Variants in CA12 observed in about 807,000 individuals in gnomAD.
CA12 encodes carbonate dehydratase XII.
In CA12, 36 loss-of-function variants were observed where a neutral mutation model predicts 46.8. The ratio of observed to expected loss-of-function variants is 0.77; its 90% CI spans 0.59 to 1.02. CA12 has a LOEUF of 1.02. CA12 is among the 50% of genes least tolerant of loss of function. The probability of loss-of-function intolerance (pLI) is 0.00; values close to 1 mark genes in which losing one functional copy is unlikely to be tolerated. For synonymous variants in CA12, 202 were observed against 187.0 expected (o/e 1.08, Z -0.65); for missense variants, 436 against 451.4 (o/e 0.97, Z 0.31).
rs2039411478 is a variant in CA12, at chr15:63,364,348, A to AAAAAAAAAAAC, written c.106+11309_106+11310insGTTTTTTTTTT. 3.3e-5 allele frequency among the ~76,000 whole-genome samples: 5 copies of AAAAAAAAAAAC among 150,174 alleles called. 1 individual carries two copies. Among genetic ancestry groups the AAAAAAAAAAAC allele is most frequent in the African/African-American group, 4.9e-5 (2 of 41,046 alleles). ...CCGTCACTAGAAAAAAAAAAAAAAAAAAAAAAACAGTGGGACTCTTAGGAA... is the reference window on the plus strand; with the variant it reads ...CCGTCACTAGAAAAAAAAAAAAAAAAAAAAAAAAAACAAAAAAACAGTGGGACTCTTAGGAA... On this transcript the variant is annotated intron_variant, in intron 2 of 10. Transcript: ENST00000178638.
In CA12 at chr15:63,378,203, C is replaced by T. The variant is rs2039601692; in HGVS notation, c.86-2525G>A. The stretch of plus-strand genomic sequence containing the variant: ...AGGAGTTCGAGACCAGCCTGGCCAA[C>T]ATGGTGAAACCCTGTCTCTACTAAA... On this transcript the variant is annotated intron_variant, in intron 1 of 10. Transcript: ENST00000178638. The surrounding 1 kb of genome is among the most constrained non-coding windows in gnomAD (Gnocchi z 4.8). Among the ~76,000 whole-genome samples the T allele has an allele frequency of 1.3e-5, 2 of 152,186 alleles. No homozygotes were observed. The highest frequency in any genetic ancestry group is 4.8e-5 in the African/African-American group (2 of 41,440).
intron 2 of CA12, among the ~76,000 whole-genome samples, chr15:63,364,413 G>A (rs1248875930): frequency 6.8e-6 from 1 of 146,764 alleles, no homozygotes; most frequent in Non-Finnish European, 1.5e-5. Flanking sequence ...ACCTAAGCAC[G>A]GTTCCAAGCA....
chr15:63,341,879 G>A lies in CA12; in HGVS notation c.525+123C>T, dbSNP rs576772145. 2.0e-5 allele frequency: 15 copies of A among 734,074 alleles called. No homozygotes were observed. Among genetic ancestry groups the A allele is most frequent in the Non-Finnish European group, 3.7e-5 (15 of 408,248 alleles). The allele number at this position is 734,074 out of a possible 1,614,324, so 45.5% of individuals were successfully genotyped here. ...CTACAGGAGGATACCCCCTGCTCTG[G>A]AGTTGACACGGAGTCGATACAGGAA... is the stretch of plus-strand genomic sequence containing the variant. On this transcript the variant is annotated intron_variant, in intron 5 of 10. Coordinates refer to ENST00000178638, the MANE Select transcript of CA12 (RefSeq NM_001218.5). The surrounding 1 kb of genome is among the most constrained non-coding windows in gnomAD (Gnocchi z 5.2).
intron 2 of CA12, among the ~76,000 whole-genome samples, chr15:63,353,818 A>AT (rs2039263777): frequency 6.6e-6 from 1 of 152,150 alleles, no homozygotes; most frequent in Admixed American, 6.6e-5. Context: ...AAGTGCTGGG[A>AT]TTATAGATGT....
At chr15:63,368,971 C>T (rs2039468886) in intron 2 of CA12, among the ~76,000 whole-genome samples, 1 of 152,046 alleles carries the variant, frequency 6.6e-6, no homozygotes, top group Non-Finnish European at 1.5e-5. Context: ...TTTGCCTGCT[C>T]TCTGGGAGAC....
chr15:63,370,318 G>A (rs1451680287), intron 2 of CA12, among the ~76,000 whole-genome samples: 2 of 151,760 alleles, frequency 1.3e-5, no homozygotes, highest in African/African-American at 4.8e-5. Flanking sequence ...AGCCTGGCAT[G>A]GTGGCATACG....
At chr15:63,362,374 G>C (rs901979321) in intron 2 of CA12, among the ~76,000 whole-genome samples, 2 of 152,224 alleles carry the variant, frequency 1.3e-5, no homozygotes, top group Middle Eastern at 3.2e-3. Flanking sequence ...TGAGTAGCAA[G>C]CCTGAGCTCT....
At chr15:63,370,058 T>G (rs928377886) in intron 2 of CA12, among the ~76,000 whole-genome samples, 2 of 152,036 alleles carry the variant, frequency 1.3e-5, no homozygotes, top group African/African-American at 4.8e-5. Flanking sequence ...CAACTTCAAT[T>G]AGAAGTAACT....
In CA12 at chr15:63,326,449, A is replaced by G. The variant is rs1051474712; in HGVS notation, c.993-92T>C. On this transcript the variant is annotated intron_variant, in intron 10 of 10. Coordinates refer to ENST00000178638, the MANE Select transcript of CA12 (RefSeq NM_001218.5). ...TCAGGTATGGAATGAGGCCGTTTTT[A>G]AAAGTTGGATTCCTCTCTTTGGGAC... The G allele has an allele frequency of 6.0e-6, 6 of 1,000,458 alleles. No individual in the cohort carries two copies. The Admixed American group carries it at 8.7e-5, about 14-fold the overall frequency. 62.0% of individuals were successfully genotyped at this position (1,000,458 alleles called of 1,614,324 possible). A position where few individuals can be genotyped will look rare whatever the true frequency, so the allele number is the denominator to read the frequency against.
In CA12 at chr15:63,381,703, C is replaced by T. The variant is rs563633584; in HGVS notation, c.18G>A (p.Leu6=). 1 of 1,606,846 alleles carries T rather than the reference C, an allele frequency of 6.2e-7. No individual in the cohort carries two copies. Among genetic ancestry groups the T allele is most frequent in the East Asian group, 2.2e-5 (1 of 44,606 alleles). ...CCAGCAGGAGCACGGCCGCCGCGTG[C>T]AGGCTGCGCCGGGGCATCTTCGCGG... The part of the protein sequence containing the change: MPRRS[L]HAAAVLLLVI... Residue 6 remains leucine (L), a synonymous_variant, in exon 1 of 11, where the codon CTG becomes CTA. Coordinates refer to ENST00000178638, the MANE Select transcript of CA12 (RefSeq NM_001218.5).
At chr15:63,333,563 G>A (rs1446624187) in intron 8 of CA12, among the ~76,000 whole-genome samples, 3 of 152,190 alleles carry the variant, frequency 2.0e-5, no homozygotes, top group African/African-American at 7.2e-5. Context: ...TGGGAGAATC[G>A]ATGATATTCT....
chr15:63,376,888 C>G (rs1166900317), intron 1 of CA12, among the ~76,000 whole-genome samples: 1 of 152,050 alleles, frequency 6.6e-6, no homozygotes, highest in East Asian at 1.9e-4. Flanking sequence ...AGCGATCTGC[C>G]CACTCCAGCC....
chr15:63,346,741 A>C, intron 2 of CA12, 32 bp from the exon 3 acceptor site: 1 of 1,609,446 alleles, frequency 6.2e-7, no homozygotes, highest in Non-Finnish European at 8.5e-7. Context: ...CAAGATTTAG[A>C]GTTTCTCACA....
intron 2 of CA12, 46 bp from the exon 3 acceptor site, chr15:63,346,755 G>C (rs377610677): frequency 3.1e-6 from 5 of 1,590,258 alleles, no homozygotes; most frequent in African/African-American, 1.3e-5. Context: ...TCTCACAAAG[G>C]GATTTTCCTT....
At position 63,378,494 on chromosome 15, in the gene CA12, G is replaced by C. The variant is rs2039605973; in HGVS notation, c.86-2816C>G. 6.6e-6 allele frequency among the ~76,000 whole-genome samples: 1 copy of C among 152,112 alleles called. No individual in the cohort carries two copies. Among genetic ancestry groups the C allele is most frequent in the Admixed American group, 6.5e-5 (1 of 15,272 alleles). ...CAGCTATGGGTGCATTGAGAGTTGA[G>C]GGTCCCAAGATCAACCTCCCTTGAA... is the stretch of plus-strand genomic sequence containing the variant. On this transcript the variant is annotated intron_variant, in intron 1 of 10. Transcript: ENST00000178638. The surrounding 1 kb of genome is among the most constrained non-coding windows in gnomAD (Gnocchi z 4.8).
intron 2 of CA12, among the ~76,000 whole-genome samples, chr15:63,347,547 A>G (rs1003129816): frequency 1.3e-5 from 2 of 152,256 alleles, no homozygotes; most frequent in Non-Finnish European, 2.9e-5. Context: ...ACTTTAAAAA[A>G]AGAAATTCCT....
At chr15:63,361,549 G>C (rs1165833955) in intron 2 of CA12, among the ~76,000 whole-genome samples, 1 of 152,170 alleles carries the variant, frequency 6.6e-6, no homozygotes, top group African/African-American at 2.4e-5. Context: ...CTGCACAACA[G>C]AGAGTTATCC....
In CA12 at chr15:63,340,067, A is replaced by T. The variant is rs901342404; in HGVS notation, c.747+221T>A. 12 of 586,022 alleles carry T rather than the reference A, an allele frequency of 2.0e-5. No homozygotes were observed. Among genetic ancestry groups the T allele is most frequent in the African/African-American group, 3.7e-5 (2 of 53,424 alleles). 36.3% of individuals were successfully genotyped at this position (586,022 alleles called of 1,614,324 possible). On this transcript the variant is annotated intron_variant, in intron 7 of 10. Coordinates refer to ENST00000178638, the MANE Select transcript of CA12 (RefSeq NM_001218.5). The surrounding 1 kb of genome is among the most constrained non-coding windows in gnomAD (Gnocchi z 4.4). ...ATGCAGATTTAGAGCTCTTTTTTTT[A>T]AAAAAGAACTAGGAGACATCTATTC...
intron 2 of CA12, among the ~76,000 whole-genome samples, chr15:63,360,034 C>G (rs2039341867): frequency 2.0e-5 from 3 of 152,246 alleles, no homozygotes. Flanking sequence ...ATCACCTGTC[C>G]AAAAGTGTGG....
Sources: gnomAD v4.1 joint callset for allele counts (sites outside exome capture counted in the v4.1 genomes callset) on GRCh38, gnomAD v4.1.1 for gene constraint, Gnocchi (gnomAD v3.1) non-coding constraint, MANE v1.5 for transcripts, NCBI Gene and HGNC (gene_info 2026-07-23, HGNC 2026-07-21) for gene names.